Variants in CRIM1 observed in about 807,000 individuals in gnomAD.
CRIM1 encodes the protein cysteine rich transmembrane BMP regulator 1.
Under a neutral mutation model 116.4 loss-of-function variants are expected in CRIM1, and 32 were observed. The ratio of observed to expected loss-of-function variants is 0.27; its 90% confidence interval spans 0.21 to 0.37. CRIM1 has a LOEUF of 0.37. Among genes scored for constraint, CRIM1 ranks in the 10% least tolerant of loss-of-function variants. CRIM1 has a pLI of 1.00. For missense variants in CRIM1, 1,331 were observed against 1,354.8 expected (o/e 0.98, Z 0.28); for synonymous variants, 590 against 509.2 (o/e 1.16, Z -2.13).
At position 36,545,143 on chromosome 2, in the gene CRIM1, C is replaced by T. The variant is rs149252251; in HGVS notation, c.2746+645C>T. On this transcript the variant is annotated intron_variant, in intron 15 of 16. Transcript: ENST00000280527. ...TCTTAGCCGTGACTCAGTACTGCCTCCTGTGTCCTCCAACCATATTTTCCA... is the reference window on the plus strand; with the variant it reads ...TCTTAGCCGTGACTCAGTACTGCCTTCTGTGTCCTCCAACCATATTTTCCA... Among the ~76,000 whole-genome samples, 1,362 of 152,292 alleles carry T rather than the reference C, an allele frequency of 8.9e-3. 11 individuals carry two copies. The highest frequency in any genetic ancestry group is 0.014 in the Non-Finnish European group (946 of 68,008).
chr2:36,439,112 G>T (rs1675569873), intron 2 of CRIM1, among the ~76,000 whole-genome samples: 1 of 152,176 alleles, frequency 6.6e-6, no homozygotes. Context: ...CCTGAGTGAG[G>T]CACAGGTGCC....
At chr2:36,496,745 C>G (rs1283242723) in intron 7 of CRIM1, among the ~76,000 whole-genome samples, 1 of 152,194 alleles carries the variant, frequency 6.6e-6, no homozygotes, top group African/African-American at 2.4e-5. Context: ...GTGTACCTAA[C>G]TGTTGAAGCC....
intron 12 of CRIM1, among the ~76,000 whole-genome samples, chr2:36,521,475 T>C (rs553594439): frequency 6.6e-6 from 1 of 152,252 alleles, no homozygotes; most frequent in African/African-American, 2.4e-5. Flanking sequence ...TGTAAGTAAA[T>C]AGAGGTCTAT....
Position 36,539,623 on chromosome 2 carries a change from G to A in CRIM1, c.2623+2077G>A, listed in dbSNP as rs546200712. 6.4e-4 allele frequency among the ~76,000 whole-genome samples: 98 copies of A among 152,234 alleles called. 1 individual carries two copies. The highest frequency in any genetic ancestry group is 2.0e-3 in the African/African-American group (84 of 41,524). ...AACTTGGAGACTTTTTTAAGAATCC[G>A]GGCGAGAGATGACAGTGACTTGGAC... On this transcript the variant is annotated intron_variant, in intron 14 of 16. Coordinates refer to ENST00000280527, the MANE Select transcript of CRIM1 (RefSeq NM_016441.3).
At chr2:36,467,470 G>C (rs977564210) in intron 5 of CRIM1, among the ~76,000 whole-genome samples, 1 of 152,132 alleles carries the variant, frequency 6.6e-6, no homozygotes, top group Non-Finnish European at 1.5e-5. Context: ...AAAATCTGTT[G>C]TTGTAAGGTC....
intron 1 of CRIM1, among the ~76,000 whole-genome samples, chr2:36,365,973 A>G (rs1433829625): frequency 6.6e-6 from 1 of 152,128 alleles, no homozygotes; most frequent in Non-Finnish European, 1.5e-5. Flanking sequence ...TGATCTGCCC[A>G]CCTTGGCCTC....
At chr2:36,373,427 C>T (rs555122593) in intron 1 of CRIM1, among the ~76,000 whole-genome samples, 30 of 152,310 alleles carry the variant, frequency 2.0e-4, no homozygotes, top group African/African-American at 4.8e-4. Context: ...AGACAGCTGG[C>T]TTAACCTGAG....
At chr2:36,469,840 T>C (rs1678351739) in intron 5 of CRIM1, among the ~76,000 whole-genome samples, 1 of 152,164 alleles carries the variant, frequency 6.6e-6, no homozygotes, top group Non-Finnish European at 1.5e-5. Flanking sequence ...TTAAGCTAAT[T>C]TTGTTAAAGA....
chr2:36,549,838 AATATATATATATAC>A lies in CRIM1; in HGVS notation c.*1146_*1159del, dbSNP rs1345097602. 6.6e-6 allele frequency: 1 copy of A among 150,886 alleles called. No homozygotes were observed. Among genetic ancestry groups the A allele is most frequent in the African/African-American group, 2.4e-5 (1 of 41,118 alleles). The allele number at this position is 150,886 out of a possible 1,614,324, so 9.3% of individuals were successfully genotyped here. A position where few individuals can be genotyped will look rare whatever the true frequency, so the allele number is the denominator to read the frequency against. ...AAAGTATTTGTGTGCATGTGTATAT[AATATATATATATAC>A]ATATATATTTATACACATACAATTT... On this transcript the variant is annotated 3_prime_UTR_variant, in exon 17 of 17. Coordinates refer to ENST00000280527, the MANE Select transcript of CRIM1 (RefSeq NM_016441.3).
intron 1 of CRIM1, among the ~76,000 whole-genome samples, chr2:36,365,868 G>T (rs1669561627): frequency 6.6e-6 from 1 of 151,970 alleles, no homozygotes; most frequent in Non-Finnish European, 1.5e-5. Context: ...TGAGTAGCTG[G>T]GATTACAGGC....
chr2:36,396,704 A>G lies in CRIM1; in HGVS notation c.422A>G (p.Glu141Gly). The G allele has an allele frequency of 1.2e-6, 2 of 1,613,810 alleles. No homozygotes were observed. The highest frequency in any genetic ancestry group is 1.7e-6 in the Non-Finnish European group (2 of 1,179,700). Residue 141 changes from glutamate to glycine, a missense_variant, in exon 2 of 17, where the codon GAA becomes GGA. Transcript: ENST00000280527. ...TGCAATATAATCAATGGGAAATGTG[A>G]ATGTAACACCATTCGAACCTGCAGC... ...AGCNIINGKC[E>G]CNTIRTCSNP...
intron 14 of CRIM1, among the ~76,000 whole-genome samples, chr2:36,542,913 T>C (rs1010763747): frequency 6.6e-6 from 1 of 152,094 alleles, no homozygotes. Flanking sequence ...TTTTCTAAGC[T>C]CTTTGGGTAA....
At chr2:36,505,390 G>A (rs916012173) in intron 8 of CRIM1, among the ~76,000 whole-genome samples, 5 of 144,750 alleles carry the variant, frequency 3.5e-5, no homozygotes, top group East Asian at 2.0e-4. Flanking sequence ...TTCTGGTCAC[G>A]AAAACATCAC....
intron 5 of CRIM1, among the ~76,000 whole-genome samples, chr2:36,471,185 T>C (rs144827474): frequency 1.2e-4 from 18 of 152,370 alleles, no homozygotes; most frequent in South Asian, 8.3e-4. Flanking sequence ...CTGGTGAGGA[T>C]GCTGTGACAA....
chr2:36,524,539 GA>G (rs2125135764), intron 13 of CRIM1, among the ~76,000 whole-genome samples: 1 of 152,230 alleles, frequency 6.6e-6, no homozygotes, highest in Admixed American at 6.5e-5. Context: ...TCATACTTGG[GA>G]AACCAGGGCC....
At chr2:36,388,901 C>G (rs113850410) in intron 1 of CRIM1, among the ~76,000 whole-genome samples, 1,760 of 152,274 alleles carry the variant, frequency 0.012, 43 homozygotes, top group African/African-American at 0.04. Flanking sequence ...TATATTGGAT[C>G]AGTACTGCTT....
At chr2:36,487,998 T>C (rs1379633983) in intron 7 of CRIM1, among the ~76,000 whole-genome samples, 4 of 152,170 alleles carry the variant, frequency 2.6e-5, no homozygotes, top group Non-Finnish European at 1.5e-5. Flanking sequence ...TCTAATATAA[T>C]TTATTTTTAG....
At chr2:36,532,082 G>T in intron 13 of CRIM1, 1 of 429,028 alleles carries the variant, frequency 2.3e-6, no homozygotes, top group South Asian at 1.7e-5. Context: ...GGCCATAGCT[G>T]AGAAAAATAA....
chr2:36,452,508 A>G (rs1348278927), intron 4 of CRIM1, among the ~76,000 whole-genome samples: 7 of 152,298 alleles, frequency 4.6e-5, no homozygotes, highest in Admixed American at 4.6e-4. Context: ...TTAAAACAAA[A>G]TAATTGTAGG....
Sources: allele counts gnomAD v4.1 joint callset (sites outside exome capture counted in the v4.1 genomes callset), GRCh38; gene constraint gnomAD v4.1.1; transcripts MANE v1.5; gene names NCBI Gene and HGNC (gene_info 2026-07-23, HGNC 2026-07-21).